UTS2B: variants seen among roughly 807,000 people sequenced by gnomAD.
The protein encoded by UTS2B is urotensin-2B.
Under a neutral mutation model 19.2 loss-of-function variants are expected in UTS2B, and 21 were observed. That is an observed-to-expected ratio of 1.09 (90% CI 0.78 to 1.58). UTS2B has a LOEUF of 1.58. Among genes scored for constraint, UTS2B ranks in the 40% most tolerant of loss-of-function variants. UTS2B has a pLI of 0.00. For synonymous variants in UTS2B, 57 were observed against 50.2 expected (o/e 1.14, Z -0.58); for missense variants, 138 against 130.3 (o/e 1.06, Z -0.29).
At chr3:191,298,279 T>C (rs1468763845) in intron 4 of UTS2B, among the ~76,000 whole-genome samples, 1 of 152,236 alleles carries the variant, frequency 6.6e-6, no homozygotes, top group Non-Finnish European at 1.5e-5. Flanking sequence ...TTTGGATTTT[T>C]GCCCCTGCCC....
intron 4 of UTS2B, among the ~76,000 whole-genome samples, chr3:191,287,273 T>C (rs929572386): frequency 2.6e-5 from 4 of 152,126 alleles, no homozygotes; most frequent in African/African-American, 4.8e-5. Flanking sequence ...ATTACTCTGA[T>C]ACCAAAGCCA....
chr3:191,279,050 T>C (rs2108572827), intron 5 of UTS2B, among the ~76,000 whole-genome samples: 1 of 152,160 alleles, frequency 6.6e-6, no homozygotes, highest in South Asian at 2.1e-4. Context: ...GAGAAATGGC[T>C]TATAAGTTGA....
At chr3:191,331,138 G>A (rs1717969277), upstream of UTS2B, among the ~76,000 whole-genome samples, 1 of 152,128 alleles carries the variant, frequency 6.6e-6, no homozygotes, top group South Asian at 2.1e-4. Flanking sequence ...AGGGTTTTTT[G>A]TGTGGGTATG....
At position 191,280,819 on chromosome 3, in the gene UTS2B, T is replaced by C. The variant is rs191375398; in HGVS notation, c.103+1268A>G. ...AATAATCACATTTTTCCTCCCATAT[T>C]CACATTACGTTAGAAACATTGGAAA... On this transcript the variant is annotated intron_variant, in intron 5 of 8. Coordinates refer to ENST00000340524, the MANE Select transcript of UTS2B (RefSeq NM_198152.5). Among the ~76,000 whole-genome samples the C allele has an allele frequency of 9.2e-5, 14 of 152,266 alleles. 1 individual carries two copies. The highest frequency in any genetic ancestry group is 8.5e-4 in the Admixed American group (13 of 15,294).
intron 7 of UTS2B, 135 bp downstream of exon 7, chr3:191,276,672 C>T (rs1261032136): frequency 9.5e-5 from 65 of 683,246 alleles, no homozygotes; most frequent in Non-Finnish European, 1.3e-4. Flanking sequence ...TACAAAACAG[C>T]TTCACGCTTT....
chr3:191,286,572 G>A (rs1716549331), intron 4 of UTS2B, among the ~76,000 whole-genome samples: 1 of 151,966 alleles, frequency 6.6e-6, no homozygotes, highest in Non-Finnish European at 1.5e-5. Context: ...GGAGACAAAT[G>A]AAAATGGACA....
intron 4 of UTS2B, among the ~76,000 whole-genome samples, chr3:191,292,943 G>A (rs1403895067): frequency 6.6e-6 from 1 of 152,032 alleles, no homozygotes; most frequent in Non-Finnish European, 1.5e-5. Flanking sequence ...GGCAGAAGGT[G>A]CAGTGAGCAG....
rs372077331 is a variant in UTS2B, at chr3:191,282,231, C to T, written c.-42G>A. 375 of 1,470,986 alleles carry T rather than the reference C, an allele frequency of 2.5e-4. 2 individuals are homozygous for T. The South Asian group carries it at 2.7e-3, about 11-fold the overall frequency. The allele number at this position is 1,470,986 out of a possible 1,614,324, so 91.1% of individuals were successfully genotyped here. On this transcript the variant is annotated 5_prime_UTR_variant, in exon 5 of 9. Coordinates refer to ENST00000340524, the MANE Select transcript of UTS2B (RefSeq NM_198152.5). ...TGGACTAGCAAAGAAACAGACTTTC[C>T]AGGTCAAGATGGATATTTCTATAGC...
intron 8 of UTS2B, chr3:191,273,445 A>G (rs1011428556): frequency 2.2e-6 from 1 of 456,542 alleles, no homozygotes; most frequent in Non-Finnish European, 4.4e-6. Context: ...GGACTTCAGT[A>G]GAAATGATGT....
chr3:191,303,741 T>C (rs1717062164), intron 4 of UTS2B, among the ~76,000 whole-genome samples: 1 of 152,220 alleles, frequency 6.6e-6, no homozygotes, highest in Non-Finnish European at 1.5e-5. Context: ...TTTTATCTTG[T>C]TTCTCTCCCA....
At chr3:191,307,913 A>AAAG (rs1717188469) in intron 3 of UTS2B, among the ~76,000 whole-genome samples, 1 of 144,160 alleles carries the variant, frequency 6.9e-6, no homozygotes, top group Non-Finnish European at 1.5e-5. Flanking sequence ...TCAGCTCACC[A>AAAG]CAACCTCTGC....
intron 1 of UTS2B, chr3:191,329,805 C>A: frequency 2.1e-6 from 3 of 1,443,384 alleles, no homozygotes; most frequent in Non-Finnish European, 1.9e-6. Flanking sequence ...GTTGCCATTT[C>A]GGCTCCCGCG....
chr3:191,321,320 A>C (rs1272868638), intron 2 of UTS2B, among the ~76,000 whole-genome samples: 1 of 152,184 alleles, frequency 6.6e-6, no homozygotes, highest in African/African-American at 2.4e-5. Flanking sequence ...CTCTAAAGGA[A>C]GTTTTAGTAA....
At chr3:191,336,227 A>C in the UTS2B span, among the ~76,000 whole-genome samples, 9 of 151,994 alleles carry the variant, frequency 5.9e-5, no homozygotes, top group African/African-American at 2.2e-4. Flanking sequence ...TGCATGTTAA[A>C]ATTGTCAAAC....
At chr3:191,269,944 C>T (rs1176411991) in intron 8 of UTS2B, among the ~76,000 whole-genome samples, 1 of 152,162 alleles carries the variant, frequency 6.6e-6, no homozygotes, top group Non-Finnish European at 1.5e-5. Flanking sequence ...AAAGTAAAAC[C>T]CCAACCAGCT....
At chr3:191,334,206 CATG>C (rs1718072368), upstream of UTS2B, among the ~76,000 whole-genome samples, 1 of 152,056 alleles carries the variant, frequency 6.6e-6, no homozygotes. Context: ...GGTACATGAA[CATG>C]ATCTTTGCTG....
chr3:191,299,593 G>C (rs1365900803), intron 4 of UTS2B, among the ~76,000 whole-genome samples: 1 of 152,246 alleles, frequency 6.6e-6, no homozygotes, highest in Non-Finnish European at 1.5e-5. Context: ...GCAAAGCCTG[G>C]ATGTCCAGGC....
chr3:191,313,481 A>G (rs1365804477), intron 3 of UTS2B, among the ~76,000 whole-genome samples: 1 of 152,162 alleles, frequency 6.6e-6, no homozygotes, highest in African/African-American at 2.4e-5. Flanking sequence ...ACACACTCCT[A>G]CAATAACAAA....
In UTS2B at chr3:191,282,205, C is replaced by G; in HGVS notation, c.-16G>C. 6.3e-7 allele frequency: 1 copy of G among 1,579,352 alleles called. No homozygotes were observed. The highest frequency in any genetic ancestry group is 8.7e-7 in the Non-Finnish European group (1 of 1,154,556). On this transcript the variant is annotated 5_prime_UTR_variant, in exon 5 of 9. Transcript: ENST00000340524. ...TCTTGTTCATGTTAAAAAAAACCTT[C>G]TGGACTAGCAAAGAAACAGACTTTC...
Sources: gnomAD v4.1 joint callset for allele counts (sites outside exome capture counted in the v4.1 genomes callset) on GRCh38, gnomAD v4.1.1 for gene constraint, MANE v1.5 for transcripts, NCBI Gene and HGNC (gene_info 2026-07-23, HGNC 2026-07-21) for gene names.